The following WDR49 variants were observed in gnomAD, a reference collection of about 807,000 sequenced individuals.
WDR49 encodes the protein cilia- and flagella-associated protein 337.
Under a neutral mutation model 119.5 loss-of-function variants are expected in WDR49, and 107 were observed. That is an observed-to-expected ratio of 0.90 (90% CI 0.77 to 1.05). The LOEUF is 1.05. Among genes scored for constraint, WDR49 ranks in the 50% least tolerant of loss-of-function variants. The pLI, the probability that WDR49 is intolerant of heterozygous loss-of-function variation, is 0.00. For missense variants in WDR49, 1,240 were observed against 1,220.5 expected (o/e 1.02, Z -0.24); for synonymous variants, 425 against 418.8 (o/e 1.01, Z -0.18).
In WDR49 at chr3:167,527,901, C is replaced by A. The variant is rs2108238611; in HGVS notation, c.2523G>T (p.Gln841His). 1.2e-6 allele frequency: 2 copies of A among 1,613,288 alleles called. No homozygotes were observed. The highest frequency in any genetic ancestry group is 2.2e-5 in the South Asian group (2 of 91,050). ...SSLEMCEPGG[Q>H]LLIISSSADC... is the part of the protein sequence containing the mutation. ...CTGCAGAGGAGGAGATAATCAGTAA[C>A]TGACCACCTGGCTCACACATCTCTA... The change falls in exon 15 of 19, where the codon CAG becomes CAT. Residue 841 changes from glutamine to histidine, a missense_variant. Transcript: ENST00000682715.
chr3:167,620,721 T>A, intron 4 of WDR49, 118 bp from the exon 5 acceptor site: 9 of 1,026,590 alleles, frequency 8.8e-6, no homozygotes, highest in Non-Finnish European at 1.2e-5. Context: ...TTCTTCAATA[T>A]TATTTAAAGG....
At chr3:167,520,717 G>T (rs892768550) in intron 16 of WDR49, among the ~76,000 whole-genome samples, 1 of 152,132 alleles carries the variant, frequency 6.6e-6, no homozygotes, top group South Asian at 2.1e-4. Context: ...TTATTGAGAT[G>T]TTTAATACAA....
At chr3:167,626,130 T>C (rs79758463) in intron 3 of WDR49, among the ~76,000 whole-genome samples, 5,461 of 152,056 alleles carry the variant, frequency 0.036, 261 homozygotes, top group African/African-American at 0.098. Context: ...ATTTTGGCTA[T>C]GCTAAAATAG....
chr3:167,624,566 T>G lies in WDR49; in HGVS notation c.606+2286A>C, dbSNP rs74837524. ...CTTTTGATTTTTCACAGGTCATGTA[T>G]GTGTTAAAATCTATCAGCTTGGGAC... On this transcript the variant is annotated intron_variant, in intron 3 of 18. Transcript: ENST00000682715. Among the ~76,000 whole-genome samples the G allele has an allele frequency of 1.3e-4, 20 of 152,182 alleles. No homozygotes were observed. The East Asian group carries it at 2.9e-3, about 22-fold the overall frequency.
At chr3:167,645,238 T>C (rs1189899533) in intron 2 of WDR49, among the ~76,000 whole-genome samples, 3 of 152,032 alleles carry the variant, frequency 2.0e-5, no homozygotes, top group Non-Finnish European at 4.4e-5. Flanking sequence ...TGAGATTGAG[T>C]TTCGCTCAGT....
chr3:167,495,041 G>C (rs1429102694), intron 18 of WDR49, among the ~76,000 whole-genome samples: 1 of 152,034 alleles, frequency 6.6e-6, no homozygotes, highest in Non-Finnish European at 1.5e-5. Flanking sequence ...AACCATTGCT[G>C]ACAGAAAAGA....
At chr3:167,578,192 T>C (rs1218793657) in intron 7 of WDR49, among the ~76,000 whole-genome samples, 1 of 152,126 alleles carries the variant, frequency 6.6e-6, no homozygotes, top group East Asian at 1.9e-4. Context: ...CATGGTGGCC[T>C]CTTGATTCTC....
chr3:167,609,388 T>C (rs1012717252), intron 5 of WDR49, among the ~76,000 whole-genome samples: 17 of 151,926 alleles, frequency 1.1e-4, no homozygotes, highest in African/African-American at 3.9e-4. Flanking sequence ...CTCTGGGAAC[T>C]GGGGGAGAGA....
Position 167,626,973 on chromosome 3 carries a change from C to A in WDR49, c.485G>T (p.Gly162Val), listed in dbSNP as rs530834594. The A allele has an allele frequency of 1.5e-5, 20 of 1,339,174 alleles. No individual in the cohort carries two copies. Among genetic ancestry groups the A allele is most frequent in the East Asian group, 8.4e-5 (3 of 35,536 alleles). The allele number at this position is 1,339,174 out of a possible 1,614,324, so 83.0% of individuals were successfully genotyped here. Residue 162 changes from glycine to valine, a missense_variant, in exon 3 of 19, where the codon GGT (glycine) becomes GTT (valine). Coordinates refer to ENST00000682715, the MANE Select transcript of WDR49 (RefSeq NM_001366157.1). ...ATGCTCTCCCCAGATTGCCAATAAACCTTCTTTACTAATTGTCAGATAATG... is the reference window on the plus strand; with the variant it reads ...ATGCTCTCCCCAGATTGCCAATAAAACTTCTTTACTAATTGTCAGATAATG... ...SSHYLTISKE[G>V]LLAIWGEHLK...
chr3:167,624,054 A>G (rs1716999192), intron 3 of WDR49, among the ~76,000 whole-genome samples: 1 of 152,004 alleles, frequency 6.6e-6, no homozygotes, highest in South Asian at 2.1e-4. Context: ...AACAATCCTA[A>G]TAAAAAATGG....
intron 2 of WDR49, among the ~76,000 whole-genome samples, chr3:167,638,717 C>CT: frequency 6.6e-6 from 1 of 151,628 alleles, no homozygotes; most frequent in East Asian, 1.9e-4. Context: ...CCATAGCGCT[C>CT]TTTTTTTCTT....
At chr3:167,601,985 A>T in intron 7 of WDR49, 142 bp downstream of exon 7, 1 of 1,079,712 alleles carries the variant, frequency 9.3e-7, no homozygotes, top group Non-Finnish European at 1.3e-6. Flanking sequence ...TTTTCCAAAT[A>T]TAGACTTCCA....
chr3:167,576,106 T>G lies in WDR49; in HGVS notation c.1321A>C (p.Ile441Leu), dbSNP rs1714238400. 6.2e-7 allele frequency: 1 copy of G among 1,614,012 alleles called. No individual in the cohort carries two copies. Among genetic ancestry groups the G allele is most frequent in the Admixed American group, 1.7e-5 (1 of 60,006 alleles). Residue 441 changes from isoleucine to leucine, a missense_variant, in exon 8 of 19, where the codon ATA becomes CTA. Ile to Leu is a conservative substitution (Grantham distance 5, BLOSUM62 2). Transcript: ENST00000682715. ...TGACTTTTGGGGAAAGAACAAGCTA[T>G]CCTCTGGATGGACAGCTGGTGTTGA... ...DIQHQLSIQR[I>L]ACSFPKSQDF...
At chr3:167,608,108 G>A (rs1258492498) in intron 5 of WDR49, among the ~76,000 whole-genome samples, 3 of 152,112 alleles carry the variant, frequency 2.0e-5, no homozygotes, top group Non-Finnish European at 1.5e-5. Context: ...TACTACTACT[G>A]TACTAGAAGT....
intron 16 of WDR49, among the ~76,000 whole-genome samples, chr3:167,507,172 G>A (rs1480601772): frequency 2.0e-5 from 3 of 151,932 alleles, no homozygotes; most frequent in African/African-American, 7.3e-5. Flanking sequence ...GGGATGGGGG[G>A]GTAGTTAATC....
chr3:167,544,222 G>A (rs145325992), intron 10 of WDR49, among the ~76,000 whole-genome samples: 24 of 152,020 alleles, frequency 1.6e-4, no homozygotes, highest in South Asian at 8.3e-4. Flanking sequence ...AATCAATATT[G>A]CAAAAATGAT....
intron 18 of WDR49, 103 bp downstream of exon 18, chr3:167,500,047 AACT>A: frequency 7.7e-7 from 1 of 1,295,820 alleles, no homozygotes; most frequent in Non-Finnish European, 1.0e-6. Flanking sequence ...TTTCACTGCA[AACT>A]ACAAGACAAA....
intron 8 of WDR49, among the ~76,000 whole-genome samples, chr3:167,570,431 A>G (rs1007060280): frequency 6.6e-6 from 1 of 152,236 alleles, no homozygotes; most frequent in Non-Finnish European, 1.5e-5. Context: ...TCAAGAGAAA[A>G]TTATACCTCA....
intron 2 of WDR49, among the ~76,000 whole-genome samples, chr3:167,644,166 G>A (rs1718013182): frequency 6.6e-6 from 1 of 150,400 alleles, no homozygotes. Context: ...GGAAATTAAT[G>A]CTCTGAGTAT....
Sources: allele counts gnomAD v4.1 joint callset (sites outside exome capture counted in the v4.1 genomes callset), GRCh38; gene constraint gnomAD v4.1.1; transcripts MANE v1.5; gene names NCBI Gene and HGNC (gene_info 2026-07-23, HGNC 2026-07-21).